Variants in AKT2 observed in about 807,000 individuals in gnomAD.
The protein encoded by AKT2 is AKT serine/threonine kinase 2, also known as RAC-beta serine/threonine-protein kinase.
In AKT2, 16 loss-of-function variants were observed where a neutral mutation model predicts 58.6. That is an observed-to-expected ratio of 0.27 (90% CI 0.18 to 0.41). The LOEUF (loss-of-function observed/expected upper bound fraction) is 0.41, where lower values mean the gene tolerates loss of function less well. Ranked by LOEUF, AKT2 falls within the 10% of genes least tolerant of loss-of-function variation. The pLI, the probability that AKT2 is intolerant of heterozygous loss-of-function variation, is 1.00. For synonymous variants in AKT2, 253 were observed against 254.0 expected, an observed-to-expected ratio of 1.00 and a Z score of 0.04; for missense variants, 438 against 661.0, an observed-to-expected ratio of 0.66 and a Z score of 3.70.
At chr19:40,257,795 C>G (rs1364089990) in intron 2 of AKT2, among the ~76,000 whole-genome samples, 1 of 152,084 alleles carries the variant, frequency 6.6e-6, no homozygotes, top group African/African-American at 2.4e-5. Flanking sequence ...ATTCATACAA[C>G]GGAAAACTAT....
chr19:40,246,965 C>T (rs1234280558), intron 4 of AKT2, among the ~76,000 whole-genome samples: 5 of 152,248 alleles, frequency 3.3e-5, no homozygotes, highest in Admixed American at 6.5e-5. Context: ...GCCGAAGACA[C>T]TCGCAGGGGC....
At chr19:40,249,917 A>G (rs1975019079) in intron 4 of AKT2, among the ~76,000 whole-genome samples, 1 of 152,212 alleles carries the variant, frequency 6.6e-6, no homozygotes, top group Admixed American at 6.5e-5. Context: ...GGGTGGCAAC[A>G]CTGGGGCAGA....
Position 40,281,126 on chromosome 19 carries a change from C to T in AKT2, c.-85+4055G>A, listed in dbSNP as rs2077416272. On this transcript the variant is annotated intron_variant, in intron 1 of 13. Transcript: ENST00000392038. ...GCCAGTGCAGCACAGCCCCTGCCAA[C>T]CCCTGCAGGCACTTCTGCTGCTCCC... Among the ~76,000 whole-genome samples the T allele has an allele frequency of 2.0e-5, 3 of 152,198 alleles. No homozygotes were observed. The South Asian group carries it at 6.2e-4, about 32-fold the overall frequency.
At chr19:40,284,364 C>A (rs1028791216) in intron 1 of AKT2, among the ~76,000 whole-genome samples, 1 of 152,160 alleles carries the variant, frequency 6.6e-6, no homozygotes, top group Non-Finnish European at 1.5e-5. Context: ...TTCCTCCCTC[C>A]CCTATGGAAG....
At chr19:40,277,964 G>A (rs915254726) in intron 1 of AKT2, among the ~76,000 whole-genome samples, 4 of 152,202 alleles carry the variant, frequency 2.6e-5, no homozygotes, top group South Asian at 2.1e-4. Context: ...GGGAGGGGGT[G>A]CCTCCCATCC....
Position 40,285,338 on chromosome 19 carries a change from A to G in AKT2, c.-242T>C, listed in dbSNP as rs1004156455. 19 of 391,644 alleles carry G rather than the reference A, an allele frequency of 4.9e-5. No individual in the cohort carries two copies. The highest frequency in any genetic ancestry group is 2.6e-4 in the South Asian group (2 of 7,790). 24.3% of individuals were successfully genotyped at this position (391,644 alleles called of 1,614,324 possible). ...CTCCTCCGAGGCAGGCCCAACGGCT[A>G]GCACGGCGCGGCCCCCCCCGCCCCC... On this transcript the variant is annotated 5_prime_UTR_variant, in exon 1 of 14. Coordinates refer to ENST00000392038, the MANE Select transcript of AKT2 (RefSeq NM_001626.6).
At chr19:40,249,933 C>T (rs1434054943) in intron 4 of AKT2, among the ~76,000 whole-genome samples, 2 of 152,088 alleles carry the variant, frequency 1.3e-5, no homozygotes, top group Non-Finnish European at 2.9e-5. Context: ...GCAGAGACCT[C>T]GTGGAGTCGG....
chr19:40,248,005 G>A (rs967315319), intron 4 of AKT2, among the ~76,000 whole-genome samples: 1 of 152,192 alleles, frequency 6.6e-6, no homozygotes, highest in Non-Finnish European at 1.5e-5. Context: ...GCACAGTACG[G>A]GGCAAGCACA....
At chr19:40,271,392 A>T (rs984445146) in intron 1 of AKT2, among the ~76,000 whole-genome samples, 3 of 143,882 alleles carry the variant, frequency 2.1e-5, no homozygotes, top group Non-Finnish European at 4.5e-5. Flanking sequence ...GTGCCACTGC[A>T]CTCCAGCCTG....
intron 1 of AKT2, among the ~76,000 whole-genome samples, chr19:40,275,946 C>T (rs949149899): frequency 8.8e-5 from 13 of 148,120 alleles, no homozygotes; most frequent in African/African-American, 3.0e-4. Flanking sequence ...CGGGAGGCGG[C>T]GGTTGTAGTG....
chr19:40,265,468 G>C (rs1976281411), intron 1 of AKT2, 117 bp from the exon 2 acceptor site: 2 of 1,387,086 alleles, frequency 1.4e-6, no homozygotes, highest in East Asian at 5.0e-5. Context: ...AAAGGGTAAG[G>C]CCAGCAAGGG....
chr19:40,246,909 C>A (rs974144199), intron 4 of AKT2, among the ~76,000 whole-genome samples: 1 of 152,234 alleles, frequency 6.6e-6, no homozygotes, highest in African/African-American at 2.4e-5. Flanking sequence ...GGTTGGCGGG[C>A]TGTCGGCGCA....
intron 4 of AKT2, among the ~76,000 whole-genome samples, chr19:40,246,589 A>G (rs1383663788): frequency 2.0e-5 from 3 of 152,214 alleles, no homozygotes; most frequent in Non-Finnish European, 4.4e-5. Context: ...ATATATAAAG[A>G]TCTTGAGAGA....
chr19:40,267,822 G>T (rs545009907), intron 1 of AKT2, among the ~76,000 whole-genome samples: 1 of 152,150 alleles, frequency 6.6e-6, no homozygotes, highest in Non-Finnish European at 1.5e-5. Context: ...CTGGTGTGAG[G>T]GGCAGAAAAA....
At chr19:40,263,722 C>T (rs1047070051) in intron 2 of AKT2, among the ~76,000 whole-genome samples, 1 of 152,212 alleles carries the variant, frequency 6.6e-6, no homozygotes, top group African/African-American at 2.4e-5. Context: ...CATCCCTCAT[C>T]GCTGCTCCCT....
intron 4 of AKT2, among the ~76,000 whole-genome samples, chr19:40,253,717 A>C (rs1463482763): frequency 6.6e-6 from 1 of 152,186 alleles, no homozygotes; most frequent in African/African-American, 2.4e-5. Flanking sequence ...ACACAGGTCT[A>C]CCTGTGCACA....
chr19:40,246,897 G>C (rs1385219435), intron 4 of AKT2, among the ~76,000 whole-genome samples: 2 of 152,240 alleles, frequency 1.3e-5, no homozygotes, highest in African/African-American at 2.4e-5. Flanking sequence ...CTGGGGCTAA[G>C]AGGTTGGCGG....
intron 4 of AKT2, among the ~76,000 whole-genome samples, chr19:40,248,342 C>G (rs943884011): frequency 8.5e-5 from 13 of 152,248 alleles, no homozygotes; most frequent in African/African-American, 3.1e-4. Context: ...TTTCTGTGCA[C>G]CAGGCTTGTT....
Position 40,278,081 on chromosome 19 carries a change from T to C in AKT2, c.-85+7100A>G, listed in dbSNP as rs185007650. On this transcript the variant is annotated intron_variant, in intron 1 of 13. Coordinates refer to ENST00000392038, the MANE Select transcript of AKT2 (RefSeq NM_001626.6). ...CCCAAGCAGGCATGGAATGGAGTCA[T>C]TTCTGGATTACTGAGGCCTACTTTG... Among the ~76,000 whole-genome samples, 20 of 152,246 alleles carry C rather than the reference T, an allele frequency of 1.3e-4. No homozygotes were observed. The East Asian group carries it at 3.1e-3, about 24-fold the overall frequency.
Sources: gnomAD v4.1 joint callset for allele counts (sites outside exome capture counted in the v4.1 genomes callset) on GRCh38, gnomAD v4.1.1 for gene constraint, MANE v1.5 for transcripts, NCBI Gene and HGNC (gene_info 2026-07-23, HGNC 2026-07-21) for gene names.